The following WDR19 variants were observed in gnomAD, a reference collection of about 807,000 sequenced individuals.
WDR19 encodes WD repeat domain 19, also known as WD repeat-containing protein 19.
A neutral mutation model predicts 180.0 loss-of-function variants in WDR19; 121 were observed. The ratio of observed to expected loss-of-function variants is 0.67; its 90% CI spans 0.58 to 0.78. The LOEUF is 0.78. WDR19 is among the 30% of genes least tolerant of loss of function. The probability of loss-of-function intolerance (pLI) is 0.00; values close to 1 mark genes in which losing one functional copy is unlikely to be tolerated. For missense variants in WDR19, 1,450 were observed against 1,640.7 expected (o/e 0.88, Z 2.01); for synonymous variants, 497 against 540.7 (o/e 0.92, Z 1.12).
At chr4:39,258,542 T>G (rs1209764037) in intron 28 of WDR19, among the ~76,000 whole-genome samples, 1 of 152,188 alleles carries the variant, frequency 6.6e-6, no homozygotes, top group East Asian at 1.9e-4. Context: ...TAATGGACTT[T>G]TGAGTTGTCT....
chr4:39,252,389 A>G (rs1369851693), intron 24 of WDR19, among the ~76,000 whole-genome samples: 1 of 150,380 alleles, frequency 6.6e-6, no homozygotes, highest in Non-Finnish European at 1.5e-5. Flanking sequence ...GGATAGCATT[A>G]GGTGATATAC....
At chr4:39,208,462 A>G (rs1728178912) in intron 9 of WDR19, among the ~76,000 whole-genome samples, 1 of 152,020 alleles carries the variant, frequency 6.6e-6, no homozygotes, top group Non-Finnish European at 1.5e-5. Flanking sequence ...GTGCACCACC[A>G]TGCCTGGCTA....
At chr4:39,234,143 C>T (rs1024815699) in intron 19 of WDR19, among the ~76,000 whole-genome samples, 1 of 152,132 alleles carries the variant, frequency 6.6e-6, no homozygotes, top group Non-Finnish European at 1.5e-5. Context: ...AGAACAGTAT[C>T]TGGCAGATAA....
intron 4 of WDR19, among the ~76,000 whole-genome samples, chr4:39,190,091 G>C (rs569923976): frequency 6.6e-6 from 1 of 152,232 alleles, no homozygotes; most frequent in Non-Finnish European, 1.5e-5. Flanking sequence ...TTATAATGGT[G>C]CAATCAAGAC....
intron 36 of WDR19, among the ~76,000 whole-genome samples, chr4:39,283,026 A>G (rs1444525817): frequency 6.6e-6 from 1 of 152,196 alleles, no homozygotes; most frequent in African/African-American, 2.4e-5. Context: ...GCAATGTTGT[A>G]TAATAGTAGA....
chr4:39,264,708 G>A (rs1734612477), intron 28 of WDR19, among the ~76,000 whole-genome samples: 1 of 152,082 alleles, frequency 6.6e-6, no homozygotes, highest in African/African-American at 2.4e-5. Flanking sequence ...TGAGCTCCAG[G>A]TGTGTTTTTG....
chr4:39,205,937 G>T, intron 9 of WDR19: 1 of 519,502 alleles, frequency 1.9e-6, no homozygotes, highest in South Asian at 2.8e-5. Context: ...AATAAAATAG[G>T]TAGTTCTGGG....
At position 39,217,145 on chromosome 4, in the gene WDR19, T is replaced by A. The variant is rs777701472; in HGVS notation, c.1261T>A (p.Leu421Met). ...AAAAATTGCTACAGCTGTGAAAAAA[T>A]TGAAAGATATGGAGTATCTGGGAAC... ...YVLGENAVKK[L>M]KDMEYLGTVA... The change falls in exon 13 of 37, where the codon TTG (leucine) becomes ATG (methionine). Residue 421 changes from leucine to methionine, a missense_variant. Leu to Met is a conservative substitution (Grantham distance 15, BLOSUM62 2). Transcript: ENST00000399820. 18 of 1,603,976 alleles carry A rather than the reference T, an allele frequency of 1.1e-5. No homozygotes were observed. In the African/African-American group the frequency reaches 2.3e-4, roughly 20 times the overall value.
At chr4:39,223,815 TA>T (rs1057500188) in intron 14 of WDR19, among the ~76,000 whole-genome samples, 1 of 152,258 alleles carries the variant, frequency 6.6e-6, no homozygotes, top group African/African-American at 2.4e-5. Flanking sequence ...CTTTATTTTC[TA>T]AATTGTTTTA....
chr4:39,194,439 T>C (rs546821527), intron 4 of WDR19, 105 bp from the exon 5 acceptor site: 89 of 638,202 alleles, frequency 1.4e-4, no homozygotes, highest in African/African-American at 1.3e-3. Flanking sequence ...TTTTGTACTT[T>C]GGCTTCTAAG....
At chr4:39,223,725 G>T (rs569604397) in intron 14 of WDR19, among the ~76,000 whole-genome samples, 3 of 152,280 alleles carry the variant, frequency 2.0e-5, no homozygotes, top group African/African-American at 7.2e-5. Flanking sequence ...CTGTGTATCT[G>T]TTCTTCCACC....
At chr4:39,268,133 C>A in intron 30 of WDR19, 42 bp downstream of exon 30, 1 of 1,500,002 alleles carries the variant, frequency 6.7e-7, no homozygotes, top group Non-Finnish European at 9.1e-7. Context: ...AAGCAGGCAG[C>A]AGAATCAAGC....
intron 21 of WDR19, among the ~76,000 whole-genome samples, 167 bp from the exon 22 acceptor site, chr4:39,244,081 T>TA (rs142411527): frequency 0.082 from 12,228 of 149,716 alleles, 1,629 homozygotes; most frequent in African/African-American, 0.28. Flanking sequence ...TGGGTTTTTT[T>TA]AAAAAAAAAA....
At chr4:39,246,276 C>A (rs1014926819) in intron 24 of WDR19, among the ~76,000 whole-genome samples, 12 of 152,142 alleles carry the variant, frequency 7.9e-5, no homozygotes, top group African/African-American at 2.9e-4. Context: ...GAGGCCAAGG[C>A]AAGAGGATCA....
In WDR19 at chr4:39,253,909, T is replaced by G. The variant is rs1171033092; in HGVS notation, c.2880T>G (p.Phe960Leu). ...SLDGAKMVAR[F>L]FLQLGDYGSA... ...TAATTAAAGTACTTTGCTTTAGGTT[T>G]TTTCTACAGCTTGGTGACTATGGGT... Residue 960 changes from phenylalanine (F) to leucine (L), a missense_variant, in exon 26 of 37, where the codon TTT becomes TTG. Phe to Leu is a conservative substitution (Grantham distance 22, BLOSUM62 0). Transcript: ENST00000399820. 6.3e-7 allele frequency: 1 copy of G among 1,596,058 alleles called. No individual in the cohort carries two copies. Among genetic ancestry groups the G allele is most frequent in the Non-Finnish European group, 8.5e-7 (1 of 1,171,246 alleles).
intron 6 of WDR19, among the ~76,000 whole-genome samples, chr4:39,201,330 A>G (rs1727356844): frequency 6.6e-6 from 1 of 152,188 alleles, no homozygotes; most frequent in Non-Finnish European, 1.5e-5. Context: ...TGCAAGATGC[A>G]TTTATTATTT....
chr4:39,237,665 C>T (rs891185164), intron 20 of WDR19: 1 of 152,124 alleles, frequency 6.6e-6, no homozygotes. Context: ...TCTTCTTAAC[C>T]AATCTTGATT....
At chr4:39,280,848 T>A (rs1736425798) in intron 36 of WDR19, among the ~76,000 whole-genome samples, 1 of 152,042 alleles carries the variant, frequency 6.6e-6, no homozygotes, top group South Asian at 2.1e-4. Flanking sequence ...CTTCTAGGAG[T>A]TTTATAGTCA....
chr4:39,224,187 CTT>C (rs1729995389), intron 14 of WDR19, among the ~76,000 whole-genome samples: 1 of 151,730 alleles, frequency 6.6e-6, no homozygotes, highest in Admixed American at 6.6e-5. Context: ...ATTTTTTTGT[CTT>C]AAAATTAATT....
Sources: gnomAD v4.1 joint callset for allele counts (sites outside exome capture counted in the v4.1 genomes callset) on GRCh38, gnomAD v4.1.1 for gene constraint, MANE v1.5 for transcripts, NCBI Gene and HGNC (gene_info 2026-07-23, HGNC 2026-07-21) for gene names.